The following ZDHHC11B variants were observed in gnomAD, a reference collection of about 807,000 sequenced individuals.
ZDHHC11B encodes probable palmitoyltransferase ZDHHC11B.
ZDHHC11B carries 17 observed loss-of-function variants against 42.3 expected under a neutral mutation model. That is an observed-to-expected ratio of 0.40 (90% CI 0.27 to 0.60). The LOEUF is 0.60. Ranked by LOEUF, ZDHHC11B falls within the 20% of genes least tolerant of loss-of-function variation. ZDHHC11B has a pLI of 0.41. For missense variants in ZDHHC11B, 262 were observed against 463.2 expected, an observed-to-expected ratio of 0.57 and a Z score of 3.99; for synonymous variants, 123 against 193.5, an observed-to-expected ratio of 0.64 and a Z score of 3.02.
chr5:735,606 G>C (rs1286659927), intron 10 of ZDHHC11B, among the ~76,000 whole-genome samples: 2 of 129,946 alleles, frequency 1.5e-5, no homozygotes, highest in African/African-American at 5.8e-5. Flanking sequence ...TCTCATATTA[G>C]CAGCAGATTT....
chr5:713,786 G>A (rs1372335605), intron 13 of ZDHHC11B, among the ~76,000 whole-genome samples: 69 of 151,882 alleles, frequency 4.5e-4, no homozygotes, highest in African/African-American at 1.3e-3. Flanking sequence ...ATTCCTTTGC[G>A]GGTAGAGAAG....
At chr5:777,157 C>G (rs1736575880) in intron 1 of ZDHHC11B, among the ~76,000 whole-genome samples, 1 of 151,900 alleles carries the variant, frequency 6.6e-6, no homozygotes, top group South Asian at 2.1e-4. Flanking sequence ...TCAGATGCGT[C>G]TGGAGTTTCT....
chr5:727,140 T>G (rs1430565373), intron 12 of ZDHHC11B, among the ~76,000 whole-genome samples: 1 of 133,712 alleles, frequency 7.5e-6, no homozygotes, highest in African/African-American at 2.7e-5. Context: ...CTGGGCTACT[T>G]TTTCTGACCC....
chr5:733,773 C>T lies in ZDHHC11B; in HGVS notation c.1002G>A (p.Gln334=). The T allele has an allele frequency of 6.2e-7, 1 of 1,611,502 alleles. No individual in the cohort carries two copies. The highest frequency in any genetic ancestry group is 8.5e-7 in the Non-Finnish European group (1 of 1,179,394). The change falls in exon 11 of 14, where the codon CAG becomes CAA. Residue 334 remains glutamine (Q), a synonymous_variant. Coordinates refer to ENST00000508859, the MANE Select transcript of ZDHHC11B (RefSeq NM_001351303.2). ...TTACCTGTGCCTTCGAATCCCCGTC[C>T]TGGTTTACTGAAGTGCAGAAGTGAC... ...CPCHFCTSVN[Q]DGDSKAQEAD... is the part of the protein sequence containing the mutation.
intron 13 of ZDHHC11B, among the ~76,000 whole-genome samples, chr5:712,624 C>A (rs1312891841): frequency 6.7e-6 from 1 of 148,304 alleles, no homozygotes; most frequent in African/African-American, 2.5e-5. Context: ...AAAATATTTT[C>A]TTTGGCCAGG....
At chr5:777,282 G>A (rs1307810695) in intron 1 of ZDHHC11B, among the ~76,000 whole-genome samples, 1 of 151,796 alleles carries the variant, frequency 6.6e-6, no homozygotes, top group Admixed American at 6.6e-5. Flanking sequence ...CCTTCCCGTG[G>A]GTTCCTAGTC....
chr5:715,876 G>T (rs1472678338), intron 13 of ZDHHC11B, among the ~76,000 whole-genome samples: 1 of 151,476 alleles, frequency 6.6e-6, no homozygotes, highest in East Asian at 1.9e-4. Context: ...ACGGCTGTGG[G>T]AGCTGCCTGG....
chr5:750,389 G>T (rs1745449200), intron 7 of ZDHHC11B, among the ~76,000 whole-genome samples: 1 of 142,678 alleles, frequency 7.0e-6, no homozygotes, highest in South Asian at 2.4e-4. Flanking sequence ...CCCGGGCTGT[G>T]GCTGTGTGAC....
chr5:748,784 G>A (rs1425914124), intron 7 of ZDHHC11B, among the ~76,000 whole-genome samples: 5 of 129,216 alleles, frequency 3.9e-5, no homozygotes, highest in African/African-American at 1.3e-4. Flanking sequence ...GGGAGGTGAC[G>A]CTCCAACAGG....
chr5:743,550 C>T (rs867308398), intron 9 of ZDHHC11B, among the ~76,000 whole-genome samples: 1 of 149,270 alleles, frequency 6.7e-6, no homozygotes, highest in Non-Finnish European at 1.5e-5. Context: ...GAATGCTGTA[C>T]ACCTTTTCAC....
chr5:767,260 G>C (rs574377896), intron 3 of ZDHHC11B, 132 bp downstream of exon 3: 1 of 1,106,258 alleles, frequency 9.0e-7, no homozygotes, highest in African/African-American at 1.5e-5. Flanking sequence ...GCAACGGGAA[G>C]ACCTGAGCTG....
At chr5:753,611 G>C (rs575688089) in intron 6 of ZDHHC11B, among the ~76,000 whole-genome samples, 104 of 147,544 alleles carry the variant, frequency 7.0e-4, no homozygotes, top group African/African-American at 2.5e-3. Flanking sequence ...GGGCTAGCAT[G>C]AGCCAGAGGA....
chr5:713,861 A>G (rs1213176303), intron 13 of ZDHHC11B, among the ~76,000 whole-genome samples: 4 of 149,656 alleles, frequency 2.7e-5, no homozygotes, highest in African/African-American at 7.3e-5. Context: ...ACTTTAAGAG[A>G]TTACTGATTG....
At position 716,873 on chromosome 5, in the gene ZDHHC11B, C is replaced by T. The variant is rs753675743; in HGVS notation, c.1059-8G>A. 5 of 1,612,788 alleles carry T rather than the reference C, an allele frequency of 3.1e-6. No individual in the cohort carries two copies. The African/African-American group carries it at 5.4e-5, about 17-fold the overall frequency. On this transcript the variant is annotated splice_region_variant and splice_polypyrimidine_tract_variant and intron_variant, in intron 12 of 13. Coordinates refer to ENST00000508859, the MANE Select transcript of ZDHHC11B (RefSeq NM_001351303.2). ...GTTGTTTCTTGTTGCAGCCTGTTTG[C>T]AATATTCAGAAAGAGAGACAACAGA...
At position 729,702 on chromosome 5, in the gene ZDHHC11B, C is replaced by T. The variant is rs568396065; in HGVS notation, c.1058+732G>A. On this transcript the variant is annotated intron_variant, in intron 12 of 13. Coordinates refer to ENST00000508859, the MANE Select transcript of ZDHHC11B (RefSeq NM_001351303.2). ...GGAGCGCAATATCTAAACCCTAAAA[C>T]TCTGGAAAATGTTGTATAAAGCTGC... 1.1e-4 allele frequency among the ~76,000 whole-genome samples: 16 copies of T among 150,328 alleles called. No homozygotes were observed. In the South Asian group the frequency reaches 3.4e-3, roughly 32 times the overall value.
Position 748,499 on chromosome 5 carries a change from G to A in ZDHHC11B, c.689C>T (p.Thr230Ile), listed in dbSNP as rs1745131790. The A allele has an allele frequency of 7.3e-7, 1 of 1,364,856 alleles. No individual in the cohort carries two copies. Among genetic ancestry groups the A allele is most frequent in the African/African-American group, 1.4e-5 (1 of 72,230 alleles). 84.5% of individuals were successfully genotyped at this position (1,364,856 alleles called of 1,614,324 possible). A position where few individuals can be genotyped will look rare whatever the true frequency, so the allele number is the denominator to read the frequency against. Residue 230 changes from threonine to isoleucine, a missense_variant, in exon 8 of 14, where the codon ACT becomes ATT. Thr to Ile is a moderately conservative substitution (Grantham distance 89). Around this residue, in one of 5 missense-constraint regions of ZDHHC11B, gnomAD observed 57 missense variants for 103.3 expected, o/e 0.55. Coordinates refer to ENST00000508859, the MANE Select transcript of ZDHHC11B (RefSeq NM_001351303.2). ...FLPLFPVQVQ[T>I]LIVVIIRMLV... is the part of the protein sequence containing the mutation. ...CATCCTGATGATCACGACTATCAGAGTCTGCACCTGCACCGGGAACAGGGG... is the reference window on the plus strand; with the variant it reads ...CATCCTGATGATCACGACTATCAGAATCTGCACCTGCACCGGGAACAGGGG...
intron 4 of ZDHHC11B, among the ~76,000 whole-genome samples, chr5:762,378 T>A (rs1734742026): frequency 6.6e-6 from 1 of 151,880 alleles, no homozygotes; most frequent in Admixed American, 6.6e-5. Context: ...GATGAGTGTA[T>A]GCCACAGTCA....
intron 12 of ZDHHC11B, among the ~76,000 whole-genome samples, chr5:724,011 C>A (rs1187781673): frequency 6.9e-6 from 1 of 145,552 alleles, no homozygotes; most frequent in African/African-American, 2.6e-5. Context: ...CCTATGGTAG[C>A]TGCATCTGCC....
intron 13 of ZDHHC11B, 142 bp downstream of exon 13, chr5:716,659 G>T (rs1741772450): frequency 3.9e-6 from 4 of 1,017,254 alleles, no homozygotes; most frequent in African/African-American, 1.5e-5. Context: ...CTGTTCTGGG[G>T]TTACTGTTGA....
Sources: gnomAD v4.1 joint callset for allele counts (sites outside exome capture counted in the v4.1 genomes callset) on GRCh38, gnomAD v4.1.1 for gene constraint, gnomAD v4.1.1 regional missense constraint, MANE v1.5 for transcripts, NCBI Gene and HGNC (gene_info 2026-07-23, HGNC 2026-07-21) for gene names.